AKAP7: variants seen among roughly 807,000 people sequenced by gnomAD.
AKAP7 encodes the protein A-kinase anchoring protein 7.
AKAP7 carries 39 observed loss-of-function variants against 39.5 expected under a neutral mutation model. That is an observed-to-expected ratio of 0.99 (90% CI 0.76 to 1.29). The LOEUF (loss-of-function observed/expected upper bound fraction) is 1.29, where lower values mean the gene tolerates loss of function less well. AKAP7 is among the 50% of genes most tolerant of loss of function. AKAP7 has a pLI of 0.00. For missense variants in AKAP7, 414 were observed against 407.7 expected (o/e 1.02, Z -0.13); for synonymous variants, 140 against 139.1 (o/e 1.01, Z -0.05).
chr6:131,136,346 G>A (rs900315739), intron 1 of AKAP7, among the ~76,000 whole-genome samples: 12 of 152,126 alleles, frequency 7.9e-5, no homozygotes, highest in Admixed American at 3.9e-4. Context: ...AGTTAGGGGT[G>A]GACTTTCGGT....
chr6:131,142,682 C>T (rs1397619163), intron 1 of AKAP7, among the ~76,000 whole-genome samples: 1 of 152,216 alleles, frequency 6.6e-6, no homozygotes, highest in Non-Finnish European at 1.5e-5. Flanking sequence ...CACCAGGGCA[C>T]TGCCTAGTGG....
chr6:131,250,692 C>T, intron 7 of AKAP7: 1 of 1,491,002 alleles, frequency 6.7e-7, no homozygotes, highest in African/African-American at 1.4e-5. Flanking sequence ...GGTAGTTTTG[C>T]TCTTTTTTTA....
intron 7 of AKAP7, among the ~76,000 whole-genome samples, chr6:131,260,829 T>G (rs1420777313): frequency 6.6e-6 from 1 of 152,176 alleles, no homozygotes; most frequent in Non-Finnish European, 1.5e-5. Flanking sequence ...TGTTAATTTT[T>G]GCTTAGAACA....
intron 6 of AKAP7, among the ~76,000 whole-genome samples, chr6:131,203,163 A>G (rs1412674313): frequency 6.6e-6 from 1 of 152,240 alleles, no homozygotes; most frequent in Non-Finnish European, 1.5e-5. Flanking sequence ...TGGCATACAT[A>G]CAAGATGATT....
chr6:131,172,565 C>A (rs1171231049), intron 5 of AKAP7, among the ~76,000 whole-genome samples: 1 of 152,072 alleles, frequency 6.6e-6, no homozygotes, highest in South Asian at 2.1e-4. Context: ...TGGCCTCAAG[C>A]AGTTGTCCCA....
At chr6:131,269,487 C>G (rs1814092537) in intron 7 of AKAP7, among the ~76,000 whole-genome samples, 1 of 152,094 alleles carries the variant, frequency 6.6e-6, no homozygotes, top group African/African-American at 2.4e-5. Context: ...ATACAGGAAC[C>G]AAAATTCAGG....
intron 7 of AKAP7, among the ~76,000 whole-genome samples, chr6:131,273,384 A>G (rs1338102138): frequency 1.3e-5 from 2 of 151,968 alleles, no homozygotes; most frequent in African/African-American, 2.4e-5. Flanking sequence ...TACTTGTCTC[A>G]TCTGTTCTTT....
chr6:131,148,804 C>T (rs1172448463), intron 2 of AKAP7, among the ~76,000 whole-genome samples: 1 of 152,140 alleles, frequency 6.6e-6, no homozygotes, highest in East Asian at 1.9e-4. Flanking sequence ...GCCTGAAACA[C>T]AATATAATTA....
intron 7 of AKAP7, among the ~76,000 whole-genome samples, chr6:131,251,566 G>T (rs931818258): frequency 8.6e-6 from 1 of 116,538 alleles, no homozygotes; most frequent in African/African-American, 3.2e-5. Context: ...GCCAGGGACT[G>T]TTAAAAAAAA....
intron 5 of AKAP7, among the ~76,000 whole-genome samples, chr6:131,177,824 G>A (rs950175259): frequency 3.3e-5 from 5 of 152,084 alleles, no homozygotes; most frequent in Non-Finnish European, 5.9e-5. Context: ...ATTAGCAACC[G>A]GACTCCCTAA....
At chr6:131,190,723 A>C (rs1478494793) in intron 5 of AKAP7, among the ~76,000 whole-genome samples, 1 of 152,172 alleles carries the variant, frequency 6.6e-6, no homozygotes, top group Non-Finnish European at 1.5e-5. Context: ...CAAATAAGAT[A>C]ATAAATAAAC....
the AKAP7 span, among the ~76,000 whole-genome samples, chr6:131,128,745 C>G: frequency 2.0e-5 from 3 of 150,310 alleles, no homozygotes; most frequent in African/African-American, 7.4e-5. Context: ...TCATTTGAAC[C>G]CAGGAGATGG....
intron 7 of AKAP7, among the ~76,000 whole-genome samples, chr6:131,273,486 C>T (rs967165920): frequency 1.4e-4 from 21 of 152,156 alleles, no homozygotes; most frequent in African/African-American, 2.6e-4. Context: ...TGCTGTGCCT[C>T]TTTTTGTTTT....
intron 7 of AKAP7, among the ~76,000 whole-genome samples, chr6:131,277,678 G>T (rs926505284): frequency 1.3e-5 from 2 of 152,192 alleles, no homozygotes; most frequent in African/African-American, 4.8e-5. Flanking sequence ...ATCTCATAGG[G>T]ATGAAAATGT....
At chr6:131,265,852 A>G (rs914088133) in intron 7 of AKAP7, among the ~76,000 whole-genome samples, 3 of 152,186 alleles carry the variant, frequency 2.0e-5, no homozygotes, top group African/African-American at 4.8e-5. Context: ...TTTGACTTCA[A>G]TGTGTGGGGG....
At chr6:131,227,762 T>C (rs746372694) in intron 7 of AKAP7, among the ~76,000 whole-genome samples, 5 of 152,192 alleles carry the variant, frequency 3.3e-5, no homozygotes, top group Admixed American at 6.5e-5. Flanking sequence ...CGGGATAGCC[T>C]GCTCAGACTT....
rs561783982 is a variant in AKAP7 at position 131,144,786 on chromosome 6, A to G, written c.20-499A>G. On this transcript the variant is annotated intron_variant, in intron 1 of 7. Coordinates refer to ENST00000431975, the MANE Select transcript of AKAP7 (RefSeq NM_016377.4). ...GAATTTTCAGAAAAGCATATTTAGA[A>G]CCATGTATTTTTAACTAAATATCCA... Among the ~76,000 whole-genome samples the G allele has an allele frequency of 5.3e-5, 8 of 152,336 alleles. No homozygotes were observed. The East Asian group carries it at 1.5e-3, about 29-fold the overall frequency.
At chr6:131,267,064 C>CA (rs35876047) in intron 7 of AKAP7, among the ~76,000 whole-genome samples, 44,281 of 151,950 alleles carry the variant, frequency 0.29, 6,886 homozygotes, top group Middle Eastern at 0.4. Context: ...CTCACTCATC[C>CA]AAAAAGCATT....
intron 7 of AKAP7, among the ~76,000 whole-genome samples, chr6:131,243,207 C>T (rs1054028092): frequency 6.6e-6 from 1 of 152,168 alleles, no homozygotes; most frequent in African/African-American, 2.4e-5. Flanking sequence ...GAGATAATGA[C>T]ATTTCTTTAT....
Sources: gnomAD v4.1 joint callset for allele counts (sites outside exome capture counted in the v4.1 genomes callset) on GRCh38, gnomAD v4.1.1 for gene constraint, MANE v1.5 for transcripts, NCBI Gene and HGNC (gene_info 2026-07-23, HGNC 2026-07-21) for gene names.